Variants in IPO13 observed in about 807,000 individuals in gnomAD.
IPO13 encodes importin 13, also known as importin-13.
In IPO13, 28 loss-of-function variants were observed where a neutral mutation model predicts 115.5. The ratio of observed to expected loss-of-function variants is 0.24; its 90% CI spans 0.18 to 0.33. IPO13 has a LOEUF of 0.33. IPO13 is among the 10% of genes least tolerant of loss of function. The pLI is 1.00. For missense variants in IPO13, 785 were observed against 1,204.6 expected, an observed-to-expected ratio of 0.65 and a Z score of 5.16; for synonymous variants, 414 against 478.9, an observed-to-expected ratio of 0.86 and a Z score of 1.77.
At chr1:43,955,487 C>T (rs185614774) in intron 2 of IPO13, among the ~76,000 whole-genome samples, 19 of 152,304 alleles carry the variant, frequency 1.2e-4, no homozygotes, top group African/African-American at 4.6e-4. Flanking sequence ...CCTCTGAAAC[C>T]TGTAGGAGAC....
intron 12 of IPO13, 35 bp from the exon 13 acceptor site, chr1:43,960,841 C>T (rs780136081): frequency 1.2e-6 from 2 of 1,612,046 alleles, no homozygotes; most frequent in South Asian, 2.2e-5. Flanking sequence ...CCAGTCATGA[C>T]CTGCTGACCA....
chr1:43,961,666 T>C (rs1446880665), intron 14 of IPO13, among the ~76,000 whole-genome samples: 6 of 152,200 alleles, frequency 3.9e-5, no homozygotes, highest in African/African-American at 1.4e-4. Context: ...TAGTTGTGTG[T>C]CCTTGGGCAA....
chr1:43,960,261 C>T lies in IPO13; in HGVS notation c.2041C>T (p.Leu681=). 1.2e-6 allele frequency: 2 copies of T among 1,614,130 alleles called. No homozygotes were observed. The highest frequency in any genetic ancestry group is 2.7e-5 in the African/African-American group (2 of 75,036). Residue 681 remains leucine, a synonymous_variant, in exon 12 of 20, where the codon CTG becomes TTG. Coordinates refer to ENST00000372343, the MANE Select transcript of IPO13 (RefSeq NM_014652.4). ...PQGPNPVVVV[L]QQVFQLIQKV... is the part of the protein sequence containing the mutation. The stretch of plus-strand genomic sequence containing the variant: ...CCTGTGCCTTCAGGTGGTGGTGGTG[C>T]TGCAGCAGGTCTTCCAGCTTATCCA...
At position 43,958,371 on chromosome 1, in the gene IPO13, C is replaced by G. The variant is rs971987035; in HGVS notation, c.1750-90C>G. The stretch of plus-strand genomic sequence containing the variant: ...CTTCCCCTTCCTCTTATCCCTTATT[C>G]TCTGTTTTTCTTCTCCCAAGAGGCT... On this transcript the variant is annotated intron_variant, in intron 9 of 19. Transcript: ENST00000372343. The surrounding 1 kb of genome is among the most constrained non-coding windows in gnomAD (Gnocchi z 6.3). 1 of 1,608,532 alleles carries G rather than the reference C, an allele frequency of 6.2e-7. No individual in the cohort carries two copies. The highest frequency in any genetic ancestry group is 8.5e-7 in the Non-Finnish European group (1 of 1,175,772).
chr1:43,948,034 T>C (rs2085179641), intron 1 of IPO13, among the ~76,000 whole-genome samples: 1 of 152,228 alleles, frequency 6.6e-6, no homozygotes, highest in African/African-American at 2.4e-5. Context: ...CTCAGTCTCC[T>C]GGAATTATAC....
intron 15 of IPO13, among the ~76,000 whole-genome samples, chr1:43,964,643 T>G (rs1168649434): frequency 6.6e-6 from 1 of 152,134 alleles, no homozygotes; most frequent in East Asian, 1.9e-4. Context: ...CCCAAGAAGT[T>G]CACGTGTAGG....
In IPO13 at chr1:43,966,911, G is replaced by A. The variant is rs201564264; in HGVS notation, c.2524-19G>A. The A allele has an allele frequency of 9.3e-6, 15 of 1,612,262 alleles. No homozygotes were observed. In the African/African-American group the frequency reaches 1.3e-4, roughly 14 times the overall value. On this transcript the variant is annotated intron_variant, in intron 17 of 19. Transcript: ENST00000372343. The surrounding 1 kb of genome is among the most constrained non-coding windows in gnomAD (Gnocchi z 4.1). ...AGCTGGGAAGGAGCTGGGCTGATGG[G>A]CCTCTCCATCCTCTGCAGACAGAGC...
intron 11 of IPO13, 89 bp from the exon 12 acceptor site, chr1:43,960,160 C>T: frequency 1.2e-5 from 15 of 1,233,082 alleles, no homozygotes; most frequent in Non-Finnish European, 1.8e-5. Flanking sequence ...TAGGTCTGAA[C>T]TGCTCCCCTC....
At position 43,954,304 on chromosome 1, in the gene IPO13, G is replaced by A. The variant is rs1474792846; in HGVS notation, c.822-2016G>A. Among the ~76,000 whole-genome samples the A allele has an allele frequency of 2.6e-5, 4 of 152,156 alleles. No individual in the cohort carries two copies. The East Asian group carries it at 7.7e-4, about 29-fold the overall frequency. ...GGCTGTCTCCAGGCAGCACCCCCTG[G>A]GGCTGTCTCTGGGCTGGGGATATCC... On this transcript the variant is annotated intron_variant, in intron 2 of 19. Coordinates refer to ENST00000372343, the MANE Select transcript of IPO13 (RefSeq NM_014652.4).
At position 43,949,504 on chromosome 1, in the gene IPO13, G is replaced by A; in HGVS notation, c.172G>A (p.Ala58Thr). 6.2e-7 allele frequency: 1 copy of A among 1,614,160 alleles called. No individual in the cohort carries two copies. The change falls in exon 2 of 20, where the codon GCC becomes ACC. Residue 58 changes from alanine (A) to threonine (T), a missense_variant. Coordinates refer to ENST00000372343, the MANE Select transcript of IPO13 (RefSeq NM_014652.4). ...WLMQAQVSPQ[A>T]WHFSWQLLQP... ...GATGCAGGCCCAGGTCTCCCCACAG[G>A]CCTGGCACTTCAGCTGGCAGCTACT...
intron 2 of IPO13, among the ~76,000 whole-genome samples, chr1:43,954,217 C>T (rs777792055): frequency 6.6e-6 from 1 of 152,144 alleles, no homozygotes; most frequent in Non-Finnish European, 1.5e-5. Context: ...AGAGTCTGGC[C>T]TGAAAATGCC....
At position 43,967,448 on chromosome 1, in the gene IPO13, C is replaced by T. The variant is rs1401158845; in HGVS notation, c.2747C>T (p.Ala916Val). The stretch of plus-strand genomic sequence containing the variant: ...CTGCAGCCACCTGGTTTCCCCTCTG[C>T]CCGCCTCAGCCCTGAACAGAAGGAT... ...EALQPPGFPS[A>V]RLSPEQKDTF... is the part of the protein sequence containing the mutation. The change falls in exon 19 of 20, where the codon GCC (alanine) becomes GTC (valine). Residue 916 changes from alanine to valine, a missense_variant. Coordinates refer to ENST00000372343, the MANE Select transcript of IPO13 (RefSeq NM_014652.4). The surrounding 1 kb of genome is among the most constrained non-coding windows in gnomAD (Gnocchi z 6.1). 1 of 1,614,166 alleles carries T rather than the reference C, an allele frequency of 6.2e-7. No individual in the cohort carries two copies. Among genetic ancestry groups the T allele is most frequent in the South Asian group, 1.1e-5 (1 of 91,086 alleles).
At chr1:43,954,095 G>A (rs2085227655) in intron 2 of IPO13, among the ~76,000 whole-genome samples, 1 of 152,228 alleles carries the variant, frequency 6.6e-6, no homozygotes, top group South Asian at 2.1e-4. Context: ...GGAGGAAGGA[G>A]TCTTAGAATA....
At chr1:43,960,136 G>T in intron 11 of IPO13, 113 bp from the exon 12 acceptor site, 1 of 910,770 alleles carries the variant, frequency 1.1e-6, no homozygotes, top group Non-Finnish European at 1.8e-6. Context: ...TCCTCAATGT[G>T]TGTTCTGGGG....
At chr1:43,951,031 G>T (rs1167184981) in intron 2 of IPO13, among the ~76,000 whole-genome samples, 1 of 152,142 alleles carries the variant, frequency 6.6e-6, no homozygotes, top group Non-Finnish European at 1.5e-5. Flanking sequence ...AGTTGCCTGA[G>T]TTGGGAGGGG....
At chr1:43,964,903 T>C (rs2085311818) in intron 15 of IPO13, among the ~76,000 whole-genome samples, 1 of 152,268 alleles carries the variant, frequency 6.6e-6, no homozygotes, top group African/African-American at 2.4e-5. Flanking sequence ...TGAGACCTTA[T>C]TTTGTATGTT....
chr1:43,960,640 T>TA (rs989275125), intron 12 of IPO13, among the ~76,000 whole-genome samples: 1 of 152,332 alleles, frequency 6.6e-6, no homozygotes, highest in African/African-American at 2.4e-5. Context: ...GAGGAAATGT[T>TA]AGAGATGTAA....
At chr1:43,961,361 CCT>C in intron 14 of IPO13, 99 bp downstream of exon 14, 4 of 951,088 alleles carry the variant, frequency 4.2e-6, no homozygotes, top group Non-Finnish European at 5.2e-6. Context: ...TTCTCTGTCC[CCT>C]GAGTCACACG....
At chr1:43,957,578 A>G in intron 7 of IPO13, 29 bp downstream of exon 7, 4 of 1,612,364 alleles carry the variant, frequency 2.5e-6, no homozygotes, top group Non-Finnish European at 3.4e-6. Flanking sequence ...CCATGACCAT[A>G]TTCCCAGAGC....
Sources: allele counts gnomAD v4.1 joint callset (sites outside exome capture counted in the v4.1 genomes callset), GRCh38; gene constraint gnomAD v4.1.1; non-coding constraint Gnocchi (gnomAD v3.1); transcripts MANE v1.5; gene names NCBI Gene and HGNC (gene_info 2026-07-23, HGNC 2026-07-21).